CACNA2D3: variants seen among roughly 807,000 people sequenced by gnomAD.
CACNA2D3 encodes calcium voltage-gated channel auxiliary subunit alpha2delta 3, also known as voltage-dependent calcium channel subunit alpha-2/delta-3.
In CACNA2D3, 60 loss-of-function variants were observed where a neutral mutation model predicts 160.6. The ratio of observed to expected loss-of-function variants is 0.37; its 90% CI spans 0.30 to 0.46. The LOEUF (loss-of-function observed/expected upper bound fraction) is 0.46. CACNA2D3 is among the 20% of genes least tolerant of loss of function. The pLI is 1.00. For missense variants in CACNA2D3, 1,205 were observed against 1,365.0 expected (o/e 0.88, Z 1.85); for synonymous variants, 558 against 492.9 (o/e 1.13, Z -1.75).
At chr3:54,519,575 A>G (rs552249691) in intron 5 of CACNA2D3, among the ~76,000 whole-genome samples, 10 of 152,356 alleles carry the variant, frequency 6.6e-5, no homozygotes, top group Non-Finnish European at 1.0e-4. Context: ...CAGGCAACAC[A>G]GCGGCAATGA....
At chr3:54,653,558 G>C (rs550175201) in intron 11 of CACNA2D3, among the ~76,000 whole-genome samples, 1 of 152,180 alleles carries the variant, frequency 6.6e-6, no homozygotes, top group East Asian at 1.9e-4. Context: ...GAGAGCTCAC[G>C]CAGGCCCTCC....
intron 14 of CACNA2D3, among the ~76,000 whole-genome samples, chr3:54,830,967 C>G (rs1703864618): frequency 6.6e-6 from 1 of 152,092 alleles, no homozygotes; most frequent in African/African-American, 2.4e-5. Context: ...ACAAGTTATA[C>G]ACACACATAT....
chr3:54,500,596 CTT>C (rs1164168299), intron 4 of CACNA2D3, among the ~76,000 whole-genome samples: 1 of 134,378 alleles, frequency 7.4e-6, no homozygotes, highest in Admixed American at 8.1e-5. Context: ...CTTTCTTTCT[CTT>C]TTTCTTTCCT....
At chr3:54,741,821 T>A (rs1375107941) in intron 11 of CACNA2D3, among the ~76,000 whole-genome samples, 1 of 152,064 alleles carries the variant, frequency 6.6e-6, no homozygotes, top group Non-Finnish European at 1.5e-5. Context: ...CCTATTTTTT[T>A]AGGAGAGTTT....
At chr3:54,146,595 G>GA (rs200467819) in intron 2 of CACNA2D3, among the ~76,000 whole-genome samples, 1 of 136,570 alleles carries the variant, frequency 7.3e-6, no homozygotes, top group African/African-American at 2.8e-5. Flanking sequence ...ATGTGGGGAA[G>GA]GGGGGCGTGG....
chr3:54,606,559 G>A (rs1472864325), intron 9 of CACNA2D3, among the ~76,000 whole-genome samples: 3 of 152,144 alleles, frequency 2.0e-5, no homozygotes, highest in African/African-American at 7.2e-5. Flanking sequence ...ATGATGCTAG[G>A]ATTTGGGGTC....
rs371155601 is a variant in CACNA2D3 at position 54,285,787 on chromosome 3, G to A, written c.205-34655G>A. ...GCGGTTCACCAAAATCCGCTGTTCT[G>A]CAGCCAGCGCTGCTGATACCCTGGC... is the stretch of plus-strand genomic sequence containing the variant. On this transcript the variant is annotated intron_variant, in intron 2 of 37. Transcript: ENST00000474759. Among the ~76,000 whole-genome samples, 219 of 152,320 alleles carry A rather than the reference G, an allele frequency of 1.4e-3. 6 individuals are homozygous for A. The East Asian group carries it at 0.024, about 16-fold the overall frequency.
intron 6 of CACNA2D3, among the ~76,000 whole-genome samples, chr3:54,565,298 A>G (rs1036423074): frequency 6.6e-6 from 1 of 152,172 alleles, no homozygotes; most frequent in African/African-American, 2.4e-5. Flanking sequence ...TTTCATGCTA[A>G]GCTGAGGGAA....
intron 2 of CACNA2D3, among the ~76,000 whole-genome samples, chr3:54,176,896 A>G (rs1259337351): frequency 1.3e-5 from 2 of 152,094 alleles, no homozygotes; most frequent in African/African-American, 4.8e-5. Context: ...CAGGCAGCCC[A>G]GTGTGGCATT....
At chr3:54,928,724 C>T (rs942730664) in intron 27 of CACNA2D3, among the ~76,000 whole-genome samples, 1 of 151,976 alleles carries the variant, frequency 6.6e-6, no homozygotes, top group African/African-American at 2.4e-5. Context: ...CCCCAGCCCC[C>T]GAGTTGAATT....
intron 2 of CACNA2D3, among the ~76,000 whole-genome samples, chr3:54,288,254 C>G (rs1258314582): frequency 6.6e-6 from 1 of 152,302 alleles, no homozygotes; most frequent in South Asian, 2.1e-4. Context: ...ACCACCGATT[C>G]CACAGAAATA....
At chr3:54,406,588 T>C (rs1035463968) in intron 4 of CACNA2D3, among the ~76,000 whole-genome samples, 2 of 151,778 alleles carry the variant, frequency 1.3e-5, no homozygotes, top group African/African-American at 4.8e-5. Context: ...ATCTCACTTA[T>C]GTGTGGAATC....
chr3:54,276,930 G>A lies in CACNA2D3; in HGVS notation c.205-43512G>A, dbSNP rs182543120. Among the ~76,000 whole-genome samples, 3 of 152,354 alleles carry A rather than the reference G, an allele frequency of 2.0e-5. No individual in the cohort carries two copies. In the East Asian group the frequency reaches 5.8e-4, roughly 29 times the overall value. ...ATGACTGTACACTGTGGTTGTTTAT[G>A]TAGATGAGGGTTGATGAGCTATGGC... On this transcript the variant is annotated intron_variant, in intron 2 of 37. Coordinates refer to ENST00000474759, the MANE Select transcript of CACNA2D3 (RefSeq NM_018398.3).
intron 2 of CACNA2D3, among the ~76,000 whole-genome samples, chr3:54,168,874 T>C (rs1173229988): frequency 6.6e-6 from 1 of 152,196 alleles, no homozygotes; most frequent in Non-Finnish European, 1.5e-5. Context: ...AGGTGCCGCA[T>C]CCCAGGGGTT....
At chr3:54,688,392 C>T (rs1228452057) in intron 11 of CACNA2D3, among the ~76,000 whole-genome samples, 1 of 151,572 alleles carries the variant, frequency 6.6e-6, no homozygotes, top group Non-Finnish European at 1.5e-5. Context: ...TTTTCCTGTG[C>T]CTTTTTTCCT....
chr3:54,406,024 G>A (rs1443133554), intron 4 of CACNA2D3, among the ~76,000 whole-genome samples: 1 of 152,054 alleles, frequency 6.6e-6, no homozygotes, highest in Non-Finnish European at 1.5e-5. Flanking sequence ...TAGGATAACT[G>A]TTGTCAAAAA....
intron 35 of CACNA2D3, among the ~76,000 whole-genome samples, chr3:55,037,958 T>C (rs2107186636): frequency 6.6e-6 from 1 of 152,336 alleles, no homozygotes; most frequent in South Asian, 2.1e-4. Context: ...TCGGATAAAC[T>C]GGGGTCTTGT....
intron 13 of CACNA2D3, among the ~76,000 whole-genome samples, chr3:54,800,230 G>C (rs542288736): frequency 1.4e-4 from 22 of 152,228 alleles, no homozygotes; most frequent in African/African-American, 5.3e-4. Flanking sequence ...TGCCGCCTTC[G>C]ATGAATCCCT....
At chr3:54,537,387 C>T (rs1186794919) in intron 5 of CACNA2D3, among the ~76,000 whole-genome samples, 1 of 152,060 alleles carries the variant, frequency 6.6e-6, no homozygotes, top group Non-Finnish European at 1.5e-5. Context: ...ACACGTACCC[C>T]GTCCCTTGCT....
Sources: allele counts gnomAD v4.1 joint callset (sites outside exome capture counted in the v4.1 genomes callset), GRCh38; gene constraint gnomAD v4.1.1; transcripts MANE v1.5; gene names NCBI Gene and HGNC (gene_info 2026-07-23, HGNC 2026-07-21).